Variants in CUX1 observed in about 807,000 individuals in gnomAD.
The protein encoded by CUX1 is protein CASP.
Under a neutral mutation model 158.8 loss-of-function variants are expected in CUX1, and 31 were observed. The ratio of observed to expected loss-of-function variants is 0.20; its 90% CI spans 0.15 to 0.26. CUX1 has a LOEUF of 0.26. Among genes scored for constraint, CUX1 ranks in the 10% least tolerant of loss-of-function variants. CUX1 has a pLI of 1.00. For synonymous variants in CUX1, 879 were observed against 862.1 expected, an observed-to-expected ratio of 1.02 and a Z score of -0.34; for missense variants, 1,589 against 2,014.6, an observed-to-expected ratio of 0.79 and a Z score of 4.04.
intron 12 of CUX1, among the ~76,000 whole-genome samples, chr7:102,191,439 G>C (rs1794263069): frequency 6.6e-6 from 1 of 152,000 alleles, no homozygotes; most frequent in East Asian, 1.9e-4. Context: ...CTCCATGTTG[G>C]TCAGGCTGGT....
At chr7:102,181,915 A>G (rs1563365029) in intron 11 of CUX1, among the ~76,000 whole-genome samples, 1 of 152,226 alleles carries the variant, frequency 6.6e-6, no homozygotes, top group Non-Finnish European at 1.5e-5. Context: ...AAATATTTTT[A>G]TGAATAAGAC....
chr7:102,015,374 C>T (rs1376296446), intron 2 of CUX1, among the ~76,000 whole-genome samples: 2 of 152,070 alleles, frequency 1.3e-5, no homozygotes, highest in African/African-American at 4.8e-5. Flanking sequence ...ACTACAGGCA[C>T]ACACCACCAT....
intron 2 of CUX1, among the ~76,000 whole-genome samples, chr7:101,921,440 T>TTTTATTTA (rs61205066): frequency 0.082 from 12,250 of 150,032 alleles, 846 homozygotes; most frequent in East Asian, 0.39. Context: ...TTTTATTTTA[T>TTTTATTTA]TTTATTTATT....
In CUX1 at chr7:102,251,320, TGTA is replaced by T; in HGVS notation, c.*2280_*2282del. The T allele has an allele frequency of 1.0e-6, 1 of 985,438 alleles. No homozygotes were observed. Among genetic ancestry groups the T allele is most frequent in the Non-Finnish European group, 1.2e-6 (1 of 829,936 alleles). 61.0% of individuals were successfully genotyped at this position (985,438 alleles called of 1,614,324 possible). Reference sequence around the variant, plus strand: ...ACCTCCGTGTGCTTGTTAATTAACTTGTAGGACTTTGACTGTAAGATGTGAAAC... The same window carrying T: ...ACCTCCGTGTGCTTGTTAATTAACTTGGACTTTGACTGTAAGATGTGAAAC... On this transcript the variant is annotated 3_prime_UTR_variant, in exon 24 of 24. Transcript: ENST00000292535.
chr7:101,936,941 A>G (rs1459300025), intron 2 of CUX1, among the ~76,000 whole-genome samples: 1 of 152,208 alleles, frequency 6.6e-6, no homozygotes, highest in Non-Finnish European at 1.5e-5. Flanking sequence ...CTTGTTAAAA[A>G]TACTGTCCCT....
chr7:101,953,387 A>G (rs1030108284), intron 2 of CUX1, among the ~76,000 whole-genome samples: 3 of 152,216 alleles, frequency 2.0e-5, no homozygotes, highest in African/African-American at 7.2e-5. Flanking sequence ...GGTACTTATT[A>G]GAAGAAAAAC....
intron 1 of CUX1, among the ~76,000 whole-genome samples, chr7:101,842,550 G>A (rs1795281714): frequency 6.6e-6 from 1 of 152,112 alleles, no homozygotes; most frequent in Admixed American, 6.6e-5. Context: ...ACCATGCCCA[G>A]CTAATTTTCC....
intron 1 of CUX1, among the ~76,000 whole-genome samples, chr7:101,847,674 C>G (rs991963275): frequency 6.6e-6 from 1 of 151,212 alleles, no homozygotes; most frequent in Non-Finnish European, 1.5e-5. Context: ...GAACCCCTGG[C>G]CTCAGGTGAT....
chr7:101,899,082 C>T (rs981881393), intron 1 of CUX1, among the ~76,000 whole-genome samples: 3 of 152,224 alleles, frequency 2.0e-5, no homozygotes, highest in Non-Finnish European at 4.4e-5. Context: ...CCAAGGCTGC[C>T]TGGTCCAAGT....
At chr7:102,146,398 T>C (rs1464043043) in intron 8 of CUX1, among the ~76,000 whole-genome samples, 1 of 152,252 alleles carries the variant, frequency 6.6e-6, no homozygotes, top group Non-Finnish European at 1.5e-5. Flanking sequence ...AGGTAGAAAG[T>C]TGACCCCGCA....
chr7:101,873,595 A>G (rs1798817050), intron 1 of CUX1, among the ~76,000 whole-genome samples: 1 of 152,116 alleles, frequency 6.6e-6, no homozygotes, highest in Non-Finnish European at 1.5e-5. Context: ...CATTTGAAGA[A>G]GAGGTATATT....
intron 8 of CUX1, among the ~76,000 whole-genome samples, chr7:102,124,626 T>G (rs1318982809): frequency 6.6e-6 from 1 of 152,126 alleles, no homozygotes; most frequent in Non-Finnish European, 1.5e-5. Flanking sequence ...AAAACGTTGA[T>G]CACATAAAAG....
chr7:102,005,157 T>C (rs1447526643), intron 2 of CUX1, among the ~76,000 whole-genome samples: 1 of 152,030 alleles, frequency 6.6e-6, no homozygotes, highest in Admixed American at 6.6e-5. Flanking sequence ...AGTCGGGGGT[T>C]TTGCTGTGTC....
chr7:101,816,144 G>C (rs762201886), upstream of CUX1: 3 of 1,140,858 alleles, frequency 2.6e-6, no homozygotes, highest in East Asian at 6.4e-5. Flanking sequence ...GGCTGCGGGC[G>C]GTCGCGGCCT....
At chr7:101,821,445 TCTC>T (rs894810720) in intron 1 of CUX1, among the ~76,000 whole-genome samples, 5 of 151,386 alleles carry the variant, frequency 3.3e-5, no homozygotes, top group Non-Finnish European at 7.4e-5. Flanking sequence ...TTCACACCAT[TCTC>T]CTGCCTCAGC....
chr7:101,878,747 A>C (rs1799418774), intron 1 of CUX1, among the ~76,000 whole-genome samples: 1 of 151,554 alleles, frequency 6.6e-6, no homozygotes, highest in South Asian at 2.1e-4. Flanking sequence ...ATCTCGGCTC[A>C]CTGCAACCTC....
At chr7:102,283,077 A>C (rs1353234268) in exon 23 of CUX1, 2 of 1,613,018 alleles carry the variant, frequency 1.2e-6, no homozygotes, top group Non-Finnish European at 1.7e-6. Flanking sequence ...GCGGCTGGTG[A>C]CTTGTGGCAG....
intron 2 of CUX1, among the ~76,000 whole-genome samples, chr7:102,016,511 A>G (rs879277175): frequency 2.0e-5 from 3 of 152,238 alleles, no homozygotes; most frequent in Non-Finnish European, 2.9e-5. Context: ...CTGTTCTTCA[A>G]AAAATAATGG....
At chr7:101,816,515 C>G (rs1416884106), upstream of CUX1, among the ~76,000 whole-genome samples, 5 of 139,530 alleles carry the variant, frequency 3.6e-5, no homozygotes, top group Non-Finnish European at 6.3e-5. Flanking sequence ...GGGGAGCGGG[C>G]GGCGGGGGGC....
Sources: gnomAD v4.1 joint callset for allele counts (sites outside exome capture counted in the v4.1 genomes callset) on GRCh38, gnomAD v4.1.1 for gene constraint, MANE v1.5 for transcripts, NCBI Gene and HGNC (gene_info 2026-07-23, HGNC 2026-07-21) for gene names.